Variants in VILL observed in about 807,000 individuals in gnomAD.
VILL encodes villin like, also known as villin-like protein.
In VILL, 102 loss-of-function variants were observed where a neutral mutation model predicts 106.3. That is an observed-to-expected ratio of 0.96 (90% CI 0.82 to 1.13). VILL has a LOEUF of 1.13. Among genes scored for constraint, VILL ranks in the 50% most tolerant of loss-of-function variants. The pLI is 0.00. For synonymous variants in VILL, 431 were observed against 440.3 expected, an observed-to-expected ratio of 0.98 and a Z score of 0.27; for missense variants, 1,076 against 1,116.6, an observed-to-expected ratio of 0.96 and a Z score of 0.52.
chr3:37,994,186 T>A, intron 3 of VILL, 75 bp from the exon 4 acceptor site: 1 of 1,527,056 alleles, frequency 6.5e-7, no homozygotes, highest in Non-Finnish European at 8.8e-7. Flanking sequence ...CCCATGGCCC[T>A]TGGTACATCC....
chr3:38,004,383 T>C lies in VILL; in HGVS notation c.1934T>C (p.Leu645Pro), dbSNP rs1315041023. 7 of 1,608,340 alleles carry C rather than the reference T, an allele frequency of 4.4e-6. No individual in the cohort carries two copies. The highest frequency in any genetic ancestry group is 6.0e-6 in the Non-Finnish European group (7 of 1,175,156). ...EDLDKYDIML[L>P]DTWQEIFLWL... ...CTGGACAAGTATGACATCATGTTAC[T>C]GGACACCTGGCAGGAGGTAAGGTGG... is the stretch of plus-strand genomic sequence containing the variant. The change falls in exon 16 of 20, where the codon CTG becomes CCG. Residue 645 changes from leucine to proline, a missense_variant. Coordinates refer to ENST00000383759, the MANE Select transcript of VILL (RefSeq NM_015873.4).
upstream of VILL, among the ~76,000 whole-genome samples, chr3:37,988,919 A>G (rs749406627): frequency 1.1e-4 from 16 of 152,236 alleles, no homozygotes; most frequent in East Asian, 1.9e-4. Flanking sequence ...ATATTTTACT[A>G]CAATTTTTTA....
At chr3:37,994,545 T>G in intron 4 of VILL, 79 bp downstream of exon 4, 1 of 1,525,094 alleles carries the variant, frequency 6.6e-7, no homozygotes. Flanking sequence ...ATGGCCATCG[T>G]CCACATCCCT....
intron 4 of VILL, among the ~76,000 whole-genome samples, chr3:37,995,357 G>C (rs1269804916): frequency 2.0e-5 from 3 of 152,192 alleles, no homozygotes; most frequent in Non-Finnish European, 2.9e-5. Flanking sequence ...CCTCATGTAT[G>C]TCCACCTATA....
At chr3:38,002,613 G>A in intron 14 of VILL, 38 bp downstream of exon 14, 2 of 1,592,196 alleles carry the variant, frequency 1.3e-6, no homozygotes, top group Non-Finnish European at 1.7e-6. Context: ...ATGCCCAGAT[G>A]TAGTGGTGCC....
rs1474517114 is a variant in VILL at position 38,001,515 on chromosome 3, G to T, written c.1242G>T (p.Leu414=). ...TGGACCCCAAGCGTCATGGACAGCTGTGTGCAGGCAACTGCTACCTTGTGC... is the reference window on the plus strand; with the variant it reads ...TGGACCCCAAGCGTCATGGACAGCTTTGTGCAGGCAACTGCTACCTTGTGC... ...QPVDPKRHGQ[L]CAGNCYLVLY... The change falls in exon 12 of 20, where the codon CTG becomes CTT. Residue 414 remains leucine (L), a synonymous_variant. Transcript: ENST00000383759. 2.5e-6 allele frequency: 4 copies of T among 1,614,068 alleles called. No individual in the cohort carries two copies. The highest frequency in any genetic ancestry group is 3.3e-5 in the Admixed American group (2 of 60,002).
chr3:37,993,330 A>G (rs6776766), intron 1 of VILL: 216,680 of 287,752 alleles, frequency 0.75, 83,221 homozygotes, highest in African/African-American at 0.94. Flanking sequence ...TGAAGCGGGA[A>G]GATCACTTGA....
intron 3 of VILL, 61 bp downstream of exon 3, chr3:37,994,033 A>T: frequency 6.3e-7 from 1 of 1,590,376 alleles, no homozygotes; most frequent in East Asian, 2.2e-5. Context: ...GGGGAGACTG[A>T]GGCACAGGCA....
At chr3:37,993,203 C>T (rs377539815) in intron 1 of VILL, among the ~76,000 whole-genome samples, 2 of 152,216 alleles carry the variant, frequency 1.3e-5, no homozygotes, top group South Asian at 2.1e-4. Context: ...CCTCTCTGCA[C>T]GCGCAGAACC....
chr3:38,006,906 C>T (rs780097603), intron 19 of VILL, 36 bp from the exon 20 acceptor site: 6 of 1,585,846 alleles, frequency 3.8e-6, no homozygotes, highest in Non-Finnish European at 5.2e-6. Context: ...TCAGATGACA[C>T]CCTACCCTGT....
Position 37,999,399 on chromosome 3 carries a change from C to A in VILL, c.1142C>A (p.Ala381Asp). The A allele has an allele frequency of 6.7e-7, 1 of 1,500,742 alleles. No homozygotes were observed. The highest frequency in any genetic ancestry group is 2.5e-5 in the Admixed American group (1 of 40,812). The allele number at this position is 1,500,742 out of a possible 1,614,324, so 93.0% of individuals were successfully genotyped here. A position where few individuals can be genotyped will look rare whatever the true frequency, so the allele number is the denominator to read the frequency against. Residue 381 changes from alanine to aspartate, a missense_variant, in exon 11 of 20, where the codon GCC (alanine) becomes GAC (aspartate). Transcript: ENST00000383759. ...GKLHTQPKLA[A>D]QLRMVDDGSG... ...CTGCACACCCAGCCTAAGTTAGCGG[C>A]CCAGCTCAGGATGGTGGACGACGGC...
intron 11 of VILL, 100 bp downstream of exon 11, chr3:37,999,539 C>G: frequency 1.2e-6 from 1 of 844,444 alleles, no homozygotes; most frequent in Non-Finnish European, 1.8e-6. Context: ...CCCAGGTGCA[C>G]ATCCACACAC....
Position 37,998,945 on chromosome 3 carries a change from A to G in VILL, c.976A>G (p.Thr326Ala). 2 of 1,610,046 alleles carry G rather than the reference A, an allele frequency of 1.2e-6. No individual in the cohort carries two copies. The highest frequency in any genetic ancestry group is 1.1e-5 in the South Asian group (1 of 90,946). The part of the protein sequence containing the change: ...FIQAKGYPTY[T>A]NVEVVNDGAE... The stretch of plus-strand genomic sequence containing the variant: ...CCAGGCCAAGGGCTACCCGACCTAC[A>G]CCAACGTGGAGGTGGTGAACGACGG... The change falls in exon 10 of 20, where the codon ACC becomes GCC. Residue 326 changes from threonine (T) to alanine (A), a missense_variant. By Grantham distance (58) the Thr-to-Ala change is moderately conservative (BLOSUM62 0). Transcript: ENST00000383759. The surrounding 1 kb of genome is among the most constrained non-coding windows in gnomAD (Gnocchi z 4.1).
chr3:38,002,364 C>T (rs1699833638), intron 13 of VILL, 32 bp from the exon 14 acceptor site: 1 of 1,564,300 alleles, frequency 6.4e-7, no homozygotes, highest in Non-Finnish European at 8.7e-7. Flanking sequence ...CCTGGGAGCC[C>T]TTGCCCAGCC....
At chr3:38,002,094 C>T (rs1699828988) in intron 13 of VILL, 5 of 718,510 alleles carry the variant, frequency 7.0e-6, no homozygotes, top group Middle Eastern at 4.0e-4. Flanking sequence ...AGGGGCTTGC[C>T]TGGGGCTGCA....
chr3:37,994,026 G>A lies in VILL; in HGVS notation c.135+54G>A, dbSNP rs182234013. ...AGGGGTGGCATGGCCCGGCACTGGG[G>A]AGACTGAGGCACAGGCATAAACTCT... is the stretch of plus-strand genomic sequence containing the variant. On this transcript the variant is annotated intron_variant, in intron 3 of 19. Transcript: ENST00000383759. 831 of 1,600,236 alleles carry A rather than the reference G, an allele frequency of 5.2e-4. 6 individuals carry two copies. The African/African-American group carries it at 0.01, about 20-fold the overall frequency.
Position 37,997,018 on chromosome 3 carries a change from G to GTCT in VILL, c.451-59_451-58insTCT. On this transcript the variant is annotated intron_variant, in intron 5 of 19. Transcript: ENST00000383759. This position sits in a 1 kb window ranked among gnomAD's most constrained non-coding sequence, Gnocchi z 4.7. ...TGCACACGTGACACATCCCAGCTAT[G>GTCT]CTCCCCTCTAGCGGATGCTGGTGGT... 6.7e-7 allele frequency: 1 copy of GTCT among 1,488,806 alleles called. No homozygotes were observed. The highest frequency in any genetic ancestry group is 9.4e-7 in the Non-Finnish European group (1 of 1,068,452). The allele number at this position is 1,488,806 out of a possible 1,614,324, so 92.2% of individuals were successfully genotyped here.
At chr3:37,993,205 C>T (rs1412549350) in intron 1 of VILL, among the ~76,000 whole-genome samples, 2 of 152,348 alleles carry the variant, frequency 1.3e-5, no homozygotes, top group South Asian at 4.1e-4. Flanking sequence ...TCTCTGCACG[C>T]GCAGAACCAC....
At chr3:37,993,759 T>C (rs777133613) in intron 2 of VILL, 27 bp downstream of exon 2, 2 of 1,612,616 alleles carry the variant, frequency 1.2e-6, no homozygotes, top group South Asian at 2.2e-5. Flanking sequence ...AATAGGAGAG[T>C]TGGTGACATG....
Sources: gnomAD v4.1 joint callset for allele counts (sites outside exome capture counted in the v4.1 genomes callset) on GRCh38, gnomAD v4.1.1 for gene constraint, Gnocchi (gnomAD v3.1) non-coding constraint, MANE v1.5 for transcripts, NCBI Gene and HGNC (gene_info 2026-07-23, HGNC 2026-07-21) for gene names.